Variants in PCDHGA2 observed in about 807,000 individuals in gnomAD.
The protein encoded by PCDHGA2 is protocadherin gamma-A2.
In PCDHGA2, 40 loss-of-function variants were observed where a neutral mutation model predicts 59.2. That is an observed-to-expected ratio of 0.68 (90% CI 0.52 to 0.88). PCDHGA2 has a LOEUF of 0.88. PCDHGA2 is among the 40% of genes least tolerant of loss of function. PCDHGA2 has a pLI of 0.00. For synonymous variants in PCDHGA2, 560 were observed against 526.0 expected (o/e 1.06, Z -0.89); for missense variants, 1,226 against 1,204.0 (o/e 1.02, Z -0.27).
chr5:141,478,736 T>C (rs2099474016), intron 1 of PCDHGA2: 1 of 1,534,678 alleles, frequency 6.5e-7, no homozygotes, highest in African/African-American at 1.4e-5. Flanking sequence ...GTGTGGTTTG[T>C]GGTCCCATTT....
chr5:141,366,298 C>A, intron 1 of PCDHGA2: 1 of 1,613,766 alleles, frequency 6.2e-7, no homozygotes, highest in Non-Finnish European at 8.5e-7. Flanking sequence ...CTCTGTCAGC[C>A]ACCTTCACGG....
At position 141,431,848 on chromosome 5, in the gene PCDHGA2, G is replaced by A. The variant is rs747401379; in HGVS notation, c.2425-62959G>A. 11 of 1,614,142 alleles carry A rather than the reference G, an allele frequency of 6.8e-6. No homozygotes were observed. The highest frequency in any genetic ancestry group is 2.2e-5 in the East Asian group (1 of 44,906). On this transcript the variant is annotated intron_variant, in intron 1 of 3. Coordinates refer to ENST00000394576, the MANE Select transcript of PCDHGA2 (RefSeq NM_018915.4). The surrounding 1 kb of genome is among the most constrained non-coding windows in gnomAD (Gnocchi z 4.8). ...CGGTTCCCGAAAACTCTCCCAGAGGGACATTAATTGCCCTTTTAAATGTAA... is the reference window on the plus strand; with the variant it reads ...CGGTTCCCGAAAACTCTCCCAGAGGAACATTAATTGCCCTTTTAAATGTAA...
chr5:141,441,280 G>A (rs2098237221), intron 1 of PCDHGA2: 1 of 152,090 alleles, frequency 6.6e-6, no homozygotes, highest in East Asian at 1.9e-4. Flanking sequence ...GGGAGAAAAC[G>A]AGGTCACATG....
intron 1 of PCDHGA2, chr5:141,394,322 G>C (rs1438978424): frequency 1.9e-6 from 3 of 1,613,842 alleles, no homozygotes; most frequent in Non-Finnish European, 2.5e-6. Context: ...CCCTGTCCTC[G>C]TATATCTCCA....
rs550161736 is a variant in PCDHGA2, at chr5:141,427,826, G to T, written c.2425-66981G>T. ...GCGCACAGAGCGGGGTGGTGGTCGCGCAGCGTGCCTTCGACCACGAGCAGC... is the reference window on the plus strand; with the variant it reads ...GCGCACAGAGCGGGGTGGTGGTCGCTCAGCGTGCCTTCGACCACGAGCAGC... On this transcript the variant is annotated intron_variant, in intron 1 of 3. Coordinates refer to ENST00000394576, the MANE Select transcript of PCDHGA2 (RefSeq NM_018915.4). The T allele has an allele frequency of 2.6e-6, 4 of 1,536,502 alleles. No individual in the cohort carries two copies. The East Asian group carries it at 6.8e-5, about 26-fold the overall frequency.
In PCDHGA2 at chr5:141,490,794, C is replaced by G. The variant is rs763933771; in HGVS notation, c.2425-4013C>G. The G allele has an allele frequency of 5.0e-6, 8 of 1,613,976 alleles. No individual in the cohort carries two copies. In the South Asian group the frequency reaches 7.7e-5, roughly 16 times the overall value. ...ACCCAGAGGATGGACGGATCTTTGCCCAGCGTACCTTTGACTATGAATTGC... is the reference window on the plus strand; with the variant it reads ...ACCCAGAGGATGGACGGATCTTTGCGCAGCGTACCTTTGACTATGAATTGC... On this transcript the variant is annotated intron_variant, in intron 1 of 3. Transcript: ENST00000394576. The surrounding 1 kb of genome is among the most constrained non-coding windows in gnomAD (Gnocchi z 5.4).
chr5:141,475,721 G>A (rs867365261), intron 1 of PCDHGA2, among the ~76,000 whole-genome samples: 1 of 152,248 alleles, frequency 6.6e-6, no homozygotes. Context: ...ACAGCCCCAA[G>A]GCTGGCTTTC....
chr5:141,374,107 G>A, intron 1 of PCDHGA2: 3 of 1,573,706 alleles, frequency 1.9e-6, no homozygotes, highest in Non-Finnish European at 8.6e-7. Flanking sequence ...AGAGGCATCC[G>A]CAGCGCAGCG....
At chr5:141,423,026 G>A in intron 1 of PCDHGA2, 2 of 1,614,210 alleles carry the variant, frequency 1.2e-6, no homozygotes, top group African/African-American at 1.3e-5. Flanking sequence ...AAAGATTCAG[G>A]CCAGAACGCC....
chr5:141,425,248 G>T (rs954872490), intron 1 of PCDHGA2, among the ~76,000 whole-genome samples: 2 of 152,178 alleles, frequency 1.3e-5, no homozygotes, highest in Admixed American at 1.3e-4. Context: ...AAAAGGATAT[G>T]AGGTATTTGG....
intron 1 of PCDHGA2, among the ~76,000 whole-genome samples, chr5:141,467,960 C>T (rs1303642319): frequency 6.6e-6 from 1 of 151,998 alleles, no homozygotes; most frequent in Non-Finnish European, 1.5e-5. Flanking sequence ...CACCCGGCTG[C>T]CAGAAAATTT....
Position 141,341,296 on chromosome 5 carries a change from T to C in PCDHGA2, c.2325T>C (p.Tyr775=). ...KSHLIFPQPN[Y]ADTLISQESC... is the part of the protein sequence containing the mutation. ...ACCTGATTTTCCCCCAGCCCAACTA[T>C]GCGGACACGCTCATCAGCCAGGAGA... Residue 775 remains tyrosine (Y), a synonymous_variant, in exon 1 of 4, where the codon TAT becomes TAC. Coordinates refer to ENST00000394576, the MANE Select transcript of PCDHGA2 (RefSeq NM_018915.4). 1 of 1,614,238 alleles carries C rather than the reference T, an allele frequency of 6.2e-7. No homozygotes were observed. The highest frequency in any genetic ancestry group is 1.3e-5 in the African/African-American group (1 of 75,058).
intron 1 of PCDHGA2, chr5:141,344,797 T>C (rs1757473656): frequency 1.2e-6 from 2 of 1,613,978 alleles, no homozygotes; most frequent in Non-Finnish European, 1.7e-6. Context: ...TGGGAGAACG[T>C]GCCTGTGGGT....
rs189408749 is a variant in PCDHGA2 at position 141,383,405 on chromosome 5, G to T, written c.2424+42010G>T. On this transcript the variant is annotated intron_variant, in intron 1 of 3. Transcript: ENST00000394576. ...GATGTGGGCACGAACTCCCTCCAGAGTTACCAGCTCAGCCCCAATCGCCAC... is the reference window on the plus strand; with the variant it reads ...GATGTGGGCACGAACTCCCTCCAGATTTACCAGCTCAGCCCCAATCGCCAC... The T allele has an allele frequency of 1.2e-4, 200 of 1,613,898 alleles. No individual in the cohort carries two copies. Among genetic ancestry groups the T allele is most frequent in the South Asian group, 4.4e-5 (4 of 91,084 alleles).
At chr5:141,365,935 C>T (rs1191838027) in intron 1 of PCDHGA2, 1 of 1,614,222 alleles carries the variant, frequency 6.2e-7, no homozygotes, top group Non-Finnish European at 8.5e-7. Context: ...TGACAGCCAG[C>T]GACAGTGGGA....
At chr5:141,359,921 GAA>G in intron 1 of PCDHGA2, 2 of 444,504 alleles carry the variant, frequency 4.5e-6, no homozygotes, top group East Asian at 3.4e-5. Flanking sequence ...AGTTTCCTGA[GAA>G]AACCTCTGAG....
intron 1 of PCDHGA2, among the ~76,000 whole-genome samples, chr5:141,381,177 C>G (rs935775632): frequency 6.6e-6 from 1 of 152,214 alleles, no homozygotes; most frequent in African/African-American, 2.4e-5. Context: ...TCCCACAAAA[C>G]GAAGTTAAGC....
intron 1 of PCDHGA2, among the ~76,000 whole-genome samples, chr5:141,434,982 A>G (rs908716553): frequency 3.3e-5 from 5 of 152,084 alleles, no homozygotes; most frequent in East Asian, 1.9e-4. Flanking sequence ...TTAATACTCT[A>G]TATCATTTTC....
intron 1 of PCDHGA2, chr5:141,374,073 A>G (rs1201568464): frequency 2.6e-6 from 4 of 1,510,034 alleles, no homozygotes; most frequent in Non-Finnish European, 2.7e-6. Context: ...GAAGTTCCTA[A>G]TAAGCCAGTA....
Sources: gnomAD v4.1 joint callset for allele counts (sites outside exome capture counted in the v4.1 genomes callset) on GRCh38, gnomAD v4.1.1 for gene constraint, Gnocchi (gnomAD v3.1) non-coding constraint, MANE v1.5 for transcripts, NCBI Gene and HGNC (gene_info 2026-07-23, HGNC 2026-07-21) for gene names.